KDM4C: variants seen among roughly 807,000 people sequenced by gnomAD.
KDM4C encodes the protein lysine demethylase 4C.
A neutral mutation model predicts 129.3 loss-of-function variants in KDM4C; 81 were observed. The observed-to-expected ratio is 0.63, with a 90% CI of 0.52 to 0.75. The LOEUF (loss-of-function observed/expected upper bound fraction) is 0.75. KDM4C is among the 30% of genes least tolerant of loss of function. The pLI is 0.00. For missense variants in KDM4C, 1,457 were observed against 1,304.0 expected (o/e 1.12, Z -1.81); for synonymous variants, 573 against 456.1 (o/e 1.26, Z -3.26).
chr9:7,171,805 T>C (rs1844989267), intron 21 of KDM4C, among the ~76,000 whole-genome samples: 1 of 152,136 alleles, frequency 6.6e-6, no homozygotes, highest in Admixed American at 6.5e-5. Context: ...CTCACCAACA[T>C]TCAATTTTTT....
intron 17 of KDM4C, among the ~76,000 whole-genome samples, chr9:7,064,245 G>A (rs1007552750): frequency 1.3e-5 from 2 of 152,060 alleles, no homozygotes; most frequent in Non-Finnish European, 2.9e-5. Context: ...GTATGAAAAA[G>A]GATGTAAAAT....
intron 4 of KDM4C, among the ~76,000 whole-genome samples, chr9:6,832,458 C>G (rs1835019051): frequency 7.7e-6 from 1 of 130,186 alleles, no homozygotes; most frequent in African/African-American, 3.0e-5. Context: ...TGGAGTCTCG[C>G]TCTGTCACCC....
At chr9:6,955,962 G>C (rs1828992632) in intron 8 of KDM4C, among the ~76,000 whole-genome samples, 1 of 152,184 alleles carries the variant, frequency 6.6e-6, no homozygotes, top group Admixed American at 6.5e-5. Context: ...TGCCACCTCT[G>C]CCTCTGCCTC....
Position 6,864,105 on chromosome 9 carries a change from T to G in KDM4C, c.629+14405T>G, listed in dbSNP as rs142819265. Reference sequence around the variant, plus strand: ...TAGTGGGTTTTGCATCTTTAAATGTTTTCTTCTTGCATGTTAGTGGGTTTT... The same window carrying G: ...TAGTGGGTTTTGCATCTTTAAATGTGTTCTTCTTGCATGTTAGTGGGTTTT... On this transcript the variant is annotated intron_variant, in intron 5 of 21. Transcript: ENST00000381309. Among the ~76,000 whole-genome samples, 31 of 152,358 alleles carry G rather than the reference T, an allele frequency of 2.0e-4. 1 individual carries two copies. In the East Asian group the frequency reaches 3.7e-3, roughly 18 times the overall value.
At chr9:7,088,617 GTTTGTCTTAATGGA>G (rs1289561586) in intron 17 of KDM4C, among the ~76,000 whole-genome samples, 1 of 152,160 alleles carries the variant, frequency 6.6e-6, no homozygotes, top group Admixed American at 6.5e-5. Flanking sequence ...CGTCTGAAAG[GTTTGTCTTAATGGA>G]TTACATTTGC....
At chr9:6,728,404 C>A (rs1817213385) in intron 1 of KDM4C, among the ~76,000 whole-genome samples, 1 of 151,816 alleles carries the variant, frequency 6.6e-6, no homozygotes, top group Non-Finnish European at 1.5e-5. Context: ...CACAGTGGAA[C>A]GCGCCTGAAA....
At chr9:7,070,251 C>T (rs995450106) in intron 17 of KDM4C, among the ~76,000 whole-genome samples, 1 of 152,166 alleles carries the variant, frequency 6.6e-6, no homozygotes, top group African/African-American at 2.4e-5. Flanking sequence ...TAGAATAAAA[C>T]TGCAGGCCCA....
chr9:7,046,014 A>G (rs1829336951), intron 15 of KDM4C, among the ~76,000 whole-genome samples: 1 of 152,016 alleles, frequency 6.6e-6, no homozygotes, highest in African/African-American at 2.4e-5. Flanking sequence ...AATAACTTCT[A>G]CCAATTTAAA....
intron 15 of KDM4C, among the ~76,000 whole-genome samples, chr9:7,023,016 G>T (rs1266603094): frequency 5.9e-5 from 9 of 152,256 alleles, no homozygotes; most frequent in African/African-American, 1.4e-4. Context: ...CATGATGAAT[G>T]ATCTTTTTAA....
intron 17 of KDM4C, among the ~76,000 whole-genome samples, chr9:7,066,315 A>G (rs533012416): frequency 5.3e-5 from 8 of 152,282 alleles, no homozygotes; most frequent in African/African-American, 1.9e-4. Flanking sequence ...CCACCCCGCA[A>G]AGGATTTAGA....
At chr9:7,135,162 G>A (rs1168948332) in intron 19 of KDM4C, among the ~76,000 whole-genome samples, 5 of 152,144 alleles carry the variant, frequency 3.3e-5, no homozygotes, top group African/African-American at 4.8e-5. Flanking sequence ...CTCATCACTG[G>A]GGATCCTCTG....
intron 1 of KDM4C, among the ~76,000 whole-genome samples, chr9:6,777,069 C>G (rs1823233899): frequency 6.6e-6 from 1 of 152,124 alleles, no homozygotes; most frequent in Admixed American, 6.6e-5. Flanking sequence ...TATTTTCATC[C>G]CCTACCCCCA....
At chr9:6,808,664 T>G in intron 3 of KDM4C, among the ~76,000 whole-genome samples, 1 of 139,164 alleles carries the variant, frequency 7.2e-6, no homozygotes, top group African/African-American at 2.7e-5. Context: ...AATCCCCCTC[T>G]GTGAGAAACA....
intron 17 of KDM4C, among the ~76,000 whole-genome samples, chr9:7,074,837 GTTT>G (rs1833704340): frequency 6.6e-6 from 1 of 152,096 alleles, no homozygotes; most frequent in East Asian, 1.9e-4. Context: ...ATGCTGATAC[GTTT>G]TTATTTCTGT....
chr9:7,109,271 A>G (rs960230920), intron 18 of KDM4C, among the ~76,000 whole-genome samples: 2 of 152,208 alleles, frequency 1.3e-5, no homozygotes, highest in African/African-American at 4.8e-5. Context: ...TCATTTTAAT[A>G]AAATTTTTAT....
chr9:6,806,262 A>G (rs990416812), intron 3 of KDM4C, among the ~76,000 whole-genome samples: 8 of 152,266 alleles, frequency 5.3e-5, no homozygotes, highest in Admixed American at 4.6e-4. Context: ...TGGGAGGCCA[A>G]CGTGGGCGGA....
At chr9:7,023,967 A>G (rs1022434259) in intron 15 of KDM4C, among the ~76,000 whole-genome samples, 6 of 152,090 alleles carry the variant, frequency 3.9e-5, no homozygotes, top group African/African-American at 1.4e-4. Context: ...ATTGATTTCT[A>G]TTTTTATTCC....
chr9:6,886,863 C>G (rs1273549613), intron 6 of KDM4C, among the ~76,000 whole-genome samples: 1 of 152,172 alleles, frequency 6.6e-6, no homozygotes, highest in African/African-American at 2.4e-5. Context: ...AGTGATCCAC[C>G]TGCCTTGGCT....
chr9:6,949,588 C>A (rs951462217), intron 8 of KDM4C, among the ~76,000 whole-genome samples: 1 of 152,232 alleles, frequency 6.6e-6, no homozygotes, highest in Non-Finnish European at 1.5e-5. Flanking sequence ...TCTGCAATCC[C>A]GGCACCTCGG....
Sources: allele counts gnomAD v4.1 joint callset (sites outside exome capture counted in the v4.1 genomes callset), GRCh38; gene constraint gnomAD v4.1.1; transcripts MANE v1.5; gene names NCBI Gene and HGNC (gene_info 2026-07-23, HGNC 2026-07-21).